The following KIR3DL3 variants were observed in gnomAD, a reference collection of about 807,000 sequenced individuals.
KIR3DL3 encodes killer cell immunoglobulin like receptor, three Ig domains and long cytoplasmic tail 3.
In KIR3DL3, 27 loss-of-function variants were observed where a neutral mutation model predicts 34.9. The ratio of observed to expected loss-of-function variants is 0.77; its 90% CI spans 0.57 to 1.07. The LOEUF is 1.07. Among genes scored for constraint, KIR3DL3 ranks in the 50% least tolerant of loss-of-function variants. The pLI is 0.00. For missense variants in KIR3DL3, 681 were observed against 528.5 expected (o/e 1.29, Z -2.83); for synonymous variants, 217 against 200.2 (o/e 1.08, Z -0.71).
intron 5 of KIR3DL3, 51 bp from the exon 6 acceptor site, chr19:54,735,202 A>T (rs375778806): frequency 1.6e-6 from 2 of 1,289,136 alleles, no homozygotes; most frequent in Non-Finnish European, 2.3e-6. Context: ...GACAATTCAT[A>T]TAGAGGAACT....
chr19:54,727,576 G>C, intron 3 of KIR3DL3, 35 bp from the exon 4 acceptor site: 1 of 1,593,398 alleles, frequency 6.3e-7, no homozygotes, highest in South Asian at 1.1e-5. Flanking sequence ...ATGAGAAAGG[G>C]AGACGCCTTC....
chr19:54,736,192 G>T lies in KIR3DL3; in HGVS notation c.*96G>T. ...GATGGGATCTTCTAGGGAGACAATA[G>T]CCCTGTCTCAAAACCGGGTTGCCAG... On this transcript the variant is annotated 3_prime_UTR_variant, in exon 8 of 8. Coordinates refer to ENST00000291860, the MANE Select transcript of KIR3DL3 (RefSeq NM_153443.5). 6.5e-7 allele frequency: 1 copy of T among 1,548,496 alleles called. No individual in the cohort carries two copies. Among genetic ancestry groups the T allele is most frequent in the Non-Finnish European group, 8.9e-7 (1 of 1,128,186 alleles).
chr19:54,732,775 T>G (rs1460726823), intron 5 of KIR3DL3, among the ~76,000 whole-genome samples: 2 of 152,112 alleles, frequency 1.3e-5, no homozygotes, highest in African/African-American at 4.8e-5. Flanking sequence ...ATGCTGGGAA[T>G]GAGATGGGGA....
intron 5 of KIR3DL3, among the ~76,000 whole-genome samples, chr19:54,733,916 C>T (rs766497190): frequency 4.6e-4 from 70 of 152,076 alleles, no homozygotes; most frequent in Non-Finnish European, 8.5e-4. Context: ...AGCACTAGCC[C>T]CTGGTCACAT....
In KIR3DL3 at chr19:54,736,038, G is replaced by A. The variant is rs372306503; in HGVS notation, c.1175G>A (p.Arg392Lys). The A allele has an allele frequency of 3.6e-5, 58 of 1,613,638 alleles. No homozygotes were observed. The highest frequency in any genetic ancestry group is 3.3e-4 in the Middle Eastern group (2 of 6,062). The change falls in exon 8 of 8, where the codon AGA (arginine) becomes AAA (lysine). Residue 392 changes from arginine (R) to lysine (K), a missense_variant. Arg to Lys is a conservative substitution (Grantham distance 26, BLOSUM62 2). Coordinates refer to ENST00000291860, the MANE Select transcript of KIR3DL3 (RefSeq NM_153443.5). ...AQLNHCVFTQ[R>K]KITRPSQRPK... ...TTGAATCACTGCGTTTTCACACAGAGAAAAATCACTCGCCCTTCTCAGAGG... is the reference window on the plus strand; with the variant it reads ...TTGAATCACTGCGTTTTCACACAGAAAAAAATCACTCGCCCTTCTCAGAGG...
At position 54,736,039 on chromosome 19, in the gene KIR3DL3, A is replaced by G. The variant is rs1350066735; in HGVS notation, c.1176A>G (p.Arg392=). ...AQLNHCVFTQ[R]KITRPSQRPK... ...TGAATCACTGCGTTTTCACACAGAG[A>G]AAAATCACTCGCCCTTCTCAGAGGC... Residue 392 remains arginine (R), a synonymous_variant, in exon 8 of 8, where the codon AGA becomes AGG. Transcript: ENST00000291860. The G allele has an allele frequency of 6.2e-7, 1 of 1,613,640 alleles. No homozygotes were observed. Among genetic ancestry groups the G allele is most frequent in the Non-Finnish European group, 8.5e-7 (1 of 1,180,002 alleles).
chr19:54,724,585 G>A (rs1480272429), intron 1 of KIR3DL3, 55 bp downstream of exon 1: 62 of 832,656 alleles, frequency 7.4e-5, no homozygotes, highest in Non-Finnish European at 1.0e-4. Context: ...ATCTGGGCCT[G>A]GAGTGGAGAT....
Position 54,729,404 on chromosome 19 carries a change from A to G in KIR3DL3, c.656-89A>G, listed in dbSNP as rs199843005. The G allele has an allele frequency of 0.014, 17,937 of 1,260,132 alleles. 1,220 individuals carry two copies. The Admixed American group carries it at 0.16, about 12-fold the overall frequency. The allele number at this position is 1,260,132 out of a possible 1,614,324, so 78.1% of individuals were successfully genotyped here. A position where few individuals can be genotyped will look rare whatever the true frequency, so the allele number is the denominator to read the frequency against. On this transcript the variant is annotated intron_variant, in intron 4 of 7. Coordinates refer to ENST00000291860, the MANE Select transcript of KIR3DL3 (RefSeq NM_153443.5). ...AGAGAGAAAGAGAGCATTAAGTCAT[A>G]GAGCAGGGGAGTGAGTTCTCAGCTC... is the stretch of plus-strand genomic sequence containing the variant.
intron 2 of KIR3DL3, 27 bp downstream of exon 2, chr19:54,725,309 T>G: frequency 6.5e-7 from 1 of 1,540,788 alleles, no homozygotes; most frequent in East Asian, 2.3e-5. Flanking sequence ...AACCTTAGGT[T>G]GTCATCTCCC....
At chr19:54,732,919 T>A (rs111864792) in intron 5 of KIR3DL3, among the ~76,000 whole-genome samples, 2,196 of 152,186 alleles carry the variant, frequency 0.014, 56 homozygotes, top group African/African-American at 0.05. Context: ...CCTACCTGAT[T>A]AACAGTGACC....
intron 4 of KIR3DL3, among the ~76,000 whole-genome samples, chr19:54,728,520 T>A (rs2146789717): frequency 6.6e-6 from 1 of 150,848 alleles, no homozygotes; most frequent in South Asian, 2.1e-4. Context: ...TGTTATAGGA[T>A]TACTGAGAAC....
Position 54,726,188 on chromosome 19 carries a change from C to T in KIR3DL3, c.206C>T (p.Pro69Leu). 4.3e-6 allele frequency: 7 copies of T among 1,613,694 alleles called. No individual in the cohort carries two copies. The highest frequency in any genetic ancestry group is 5.9e-6 in the Non-Finnish European group (7 of 1,179,914). The change falls in exon 3 of 8, where the codon CCT becomes CTT. Residue 69 changes from proline (P) to leucine (L), a missense_variant. By Grantham distance (98) the Pro-to-Leu change is moderately conservative (BLOSUM62 -3). Coordinates refer to ENST00000291860, the MANE Select transcript of KIR3DL3 (RefSeq NM_153443.5). ...TCCAAAGAAGACGGGATGCCTGTCC[C>T]TGAGCTCTACAACAGAATATTCCGG... Reference protein sequence around the residue: ...SLSKEDGMPVPELYNRIFRNS... With the variant: ...SLSKEDGMPVLELYNRIFRNS...
intron 5 of KIR3DL3, among the ~76,000 whole-genome samples, chr19:54,734,454 C>A (rs1464340231): frequency 6.6e-6 from 1 of 151,718 alleles, no homozygotes; most frequent in Non-Finnish European, 1.5e-5. Flanking sequence ...TGTGGAGTCA[C>A]CCCATATGCA....
Position 54,724,517 on chromosome 19 carries a change from C to G in KIR3DL3, c.21C>G (p.Ser7Arg). 1 of 1,612,692 alleles carries G rather than the reference C, an allele frequency of 6.2e-7. No individual in the cohort carries two copies. The highest frequency in any genetic ancestry group is 1.1e-5 in the South Asian group (1 of 91,026). ...GCACCATGTCGCTCATGGTCGTCAGCATGGCGTGTGTTGGTGAGTCCTGGA... is the reference window on the plus strand; with the variant it reads ...GCACCATGTCGCTCATGGTCGTCAGGATGGCGTGTGTTGGTGAGTCCTGGA... MSLMVVSMACVGFFLLE... is the reference protein window; with the variant it reads MSLMVVRMACVGFFLLE... Residue 7 changes from serine (S) to arginine (R), a missense_variant, in exon 1 of 8, where the codon AGC (serine) becomes AGG (arginine). By Grantham distance (110) the Ser-to-Arg change is moderately radical (BLOSUM62 -1). Transcript: ENST00000291860.
intron 5 of KIR3DL3, among the ~76,000 whole-genome samples, chr19:54,732,108 G>T (rs2146834736): frequency 6.6e-6 from 1 of 152,280 alleles, no homozygotes; most frequent in East Asian, 1.9e-4. Flanking sequence ...GGATGCATTT[G>T]GCCTCTGCTC....
chr19:54,735,294 G>C lies in KIR3DL3; in HGVS notation c.991G>C (p.Val331Leu), dbSNP rs761783281. 15 of 1,527,120 alleles carry C rather than the reference G, an allele frequency of 9.8e-6. No homozygotes were observed. In the South Asian group the frequency reaches 1.2e-4, roughly 13 times the overall value. 94.6% of individuals were successfully genotyped at this position (1,527,120 alleles called of 1,614,324 possible). ...NLHVLIGTSV[V>L]IIPFAILLFF... ...GCACGTTCTGATTGGGACCTCAGTG[G>C]TCATCATCCCCTTTGCTATCCTCCT... Residue 331 changes from valine (V) to leucine (L), a missense_variant, in exon 6 of 8, where the codon GTC becomes CTC. Physicochemically the swap from Val to Leu is conservative, Grantham distance 32 (BLOSUM62 1). Coordinates refer to ENST00000291860, the MANE Select transcript of KIR3DL3 (RefSeq NM_153443.5).
Position 54,724,473 on chromosome 19 carries a change from C to T in KIR3DL3, c.-24C>T. 1 of 1,613,008 alleles carries T rather than the reference C, an allele frequency of 6.2e-7. No homozygotes were observed. On this transcript the variant is annotated 5_prime_UTR_variant, in exon 1 of 8. Transcript: ENST00000291860. ...GCTGCTGAACTGAGCTGGGGCGCAG[C>T]CGCCTGTCTGCACCGGCAGCACCAT...
rs2069680260 is a variant in KIR3DL3 at position 54,736,613 on chromosome 19, A to G, written c.*517A>G. The stretch of plus-strand genomic sequence containing the variant: ...TTTCAATGTAGTTTTCTATTCTTCA[A>G]GTAAACATGTCTGCCCTCATGGTTT... On this transcript the variant is annotated 3_prime_UTR_variant, in exon 8 of 8. Transcript: ENST00000291860. The G allele has an allele frequency of 6.2e-6, 1 of 162,154 alleles. No individual in the cohort carries two copies. Among genetic ancestry groups the G allele is most frequent in the African/African-American group, 2.6e-5 (1 of 38,742 alleles). The allele number at this position is 162,154 out of a possible 1,614,324, so 10.0% of individuals were successfully genotyped here.
At chr19:54,732,717 G>A (rs2068952587) in intron 5 of KIR3DL3, among the ~76,000 whole-genome samples, 2 of 150,644 alleles carry the variant, frequency 1.3e-5, no homozygotes, top group African/African-American at 4.9e-5. Flanking sequence ...AGCCGTGAAG[G>A]CACAAAGGTG....
Sources: gnomAD v4.1 joint callset for allele counts (sites outside exome capture counted in the v4.1 genomes callset) on GRCh38, gnomAD v4.1.1 for gene constraint, MANE v1.5 for transcripts, NCBI Gene and HGNC (gene_info 2026-07-23, HGNC 2026-07-21) for gene names.